DNAH11: variants seen among roughly 807,000 people sequenced by gnomAD.
DNAH11 encodes dynein axonemal heavy chain 11, also known as axonemal beta dynein heavy chain 11.
Under a neutral mutation model 526.0 loss-of-function variants are expected in DNAH11, and 442 were observed. That is an observed-to-expected ratio of 0.84 (90% CI 0.78 to 0.91). DNAH11 has a LOEUF of 0.91. DNAH11 is among the 40% of genes least tolerant of loss of function. The pLI is 0.00. For missense variants in DNAH11, 6,989 were observed against 5,448.7 expected (o/e 1.28, Z -8.90); for synonymous variants, 2,461 against 1,935.9 (o/e 1.27, Z -7.12).
chr7:21,749,680 A>G lies in DNAH11; in HGVS notation c.8676A>G (p.Val2892=). 1 of 1,613,898 alleles carries G rather than the reference A, an allele frequency of 6.2e-7. No individual in the cohort carries two copies. The stretch of plus-strand genomic sequence containing the variant: ...TGAGTGATGGCCTTTCCTTACAGGT[A>G]GATCTTGCCAATTTGTACATCCGAA... ...TEGYGIQELR[V]DLANLYIRTG... The change falls in exon 53 of 82, where the codon GTA becomes GTG. Residue 2892 remains valine (V), a splice_region_variant and synonymous_variant. Coordinates refer to ENST00000409508, the MANE Select transcript of DNAH11 (RefSeq NM_001277115.2).
rs763155183 is a variant in DNAH11, at chr7:21,801,231, A to G, written c.10121A>G (p.Lys3374Arg). The part of the protein sequence containing the change: ...RCQEEVNQTN[K>R]TIKLANRLVK... ...CAAGAAGAGGTGAACCAAACCAACA[A>G]AACCATCAAATTAGCTAACAGACTT... is the stretch of plus-strand genomic sequence containing the variant. The change falls in exon 62 of 82, where the codon AAA becomes AGA. Residue 3374 changes from lysine (K) to arginine (R), a missense_variant. Coordinates refer to ENST00000409508, the MANE Select transcript of DNAH11 (RefSeq NM_001277115.2). The G allele has an allele frequency of 4.3e-5, 69 of 1,613,794 alleles. No individual in the cohort carries two copies. Among genetic ancestry groups the G allele is most frequent in the Admixed American group, 2.5e-4 (15 of 59,992 alleles).
Position 21,852,629 on chromosome 7 carries a change from A to G in DNAH11, c.11059A>G (p.Lys3687Glu), listed in dbSNP as rs72657402. 3,456 of 1,582,704 alleles carry G rather than the reference A, an allele frequency of 2.2e-3. 71 individuals carry two copies. The African/African-American group carries it at 0.04, about 18-fold the overall frequency. Residue 3687 changes from lysine to glutamate, a missense_variant and splice_region_variant, in exon 67 of 82, where the codon AAG becomes GAG. Transcript: ENST00000409508. ...GACCACCGTGGCAGAGATAGAGCACAAGGTAGGAAGGGCAGAGGGTGCCTG... is the reference window on the plus strand; with the variant it reads ...GACCACCGTGGCAGAGATAGAGCACGAGGTAGGAAGGGCAGAGGGTGCCTG... ...TKTTVAEIEH[K>E]VIEAKENERK...
chr7:21,846,765 G>T (rs182639798), intron 66 of DNAH11, among the ~76,000 whole-genome samples: 102 of 152,132 alleles, frequency 6.7e-4, no homozygotes, highest in Admixed American at 1.8e-3. Flanking sequence ...CTATTTTCTA[G>T]AAAAAATGTA....
chr7:21,834,742 G>T (rs138884630), intron 65 of DNAH11, among the ~76,000 whole-genome samples: 1,560 of 152,212 alleles, frequency 0.01, 14 homozygotes, highest in Non-Finnish European at 0.015. Flanking sequence ...ACTACCTGGA[G>T]GCCGAGGCAG....
chr7:21,551,514 G>C (rs965603201), intron 2 of DNAH11, among the ~76,000 whole-genome samples: 12 of 152,198 alleles, frequency 7.9e-5, no homozygotes, highest in African/African-American at 2.9e-4. Flanking sequence ...TTTAGAATCA[G>C]TATATACAGT....
chr7:21,766,871 AACATCTAAC>A (rs1787206128), intron 55 of DNAH11, among the ~76,000 whole-genome samples: 2 of 152,328 alleles, frequency 1.3e-5, no homozygotes, highest in East Asian at 3.9e-4. Context: ...GCCGTCAAGC[AACATCTAAC>A]TTGGAAGATA....
At chr7:21,666,913 C>T (rs1312071241) in intron 30 of DNAH11, among the ~76,000 whole-genome samples, 1 of 151,664 alleles carries the variant, frequency 6.6e-6, no homozygotes, top group Non-Finnish European at 1.5e-5. Flanking sequence ...TGAAAAAAAA[C>T]ATAGTGTTCC....
chr7:21,876,395 T>G (rs964774995), intron 74 of DNAH11, among the ~76,000 whole-genome samples: 21 of 152,238 alleles, frequency 1.4e-4, no homozygotes, highest in Admixed American at 1.4e-3. Context: ...GTCATTATGT[T>G]AGAAAACAAA....
chr7:21,851,791 C>T (rs1716073117), intron 66 of DNAH11: 1 of 402,632 alleles, frequency 2.5e-6, no homozygotes, highest in Admixed American at 3.0e-5. Context: ...GACCTCCGTT[C>T]TCTGATGTAT....
chr7:21,895,605 T>C (rs1213320253), intron 79 of DNAH11, among the ~76,000 whole-genome samples: 6 of 152,228 alleles, frequency 3.9e-5, no homozygotes, highest in African/African-American at 1.4e-4. Flanking sequence ...TGTTGATTCC[T>C]GGCTTTTTGG....
chr7:21,796,036 G>A (rs1788701036), intron 61 of DNAH11, among the ~76,000 whole-genome samples: 1 of 152,190 alleles, frequency 6.6e-6, no homozygotes, highest in Non-Finnish European at 1.5e-5. Context: ...GGGGTCTCTT[G>A]TGGTGAAAAG....
chr7:21,579,839 C>T (rs982802845), intron 8 of DNAH11, among the ~76,000 whole-genome samples: 9 of 151,978 alleles, frequency 5.9e-5, no homozygotes, highest in African/African-American at 1.7e-4. Flanking sequence ...GGACTAGAGG[C>T]GAAGAGTAGT....
At position 21,744,590 on chromosome 7, in the gene DNAH11, A is replaced by G; in HGVS notation, c.8307A>G (p.Lys2769=). The stretch of plus-strand genomic sequence containing the variant: ...GAAGAATGCTGGAAACTGCTTATAA[A>G]TATTTTGAAGTAAGCGTATGAATGT... ...FQRRMLETAY[K]YFEGIDSHML... is the part of the protein sequence containing the mutation. Residue 2769 remains lysine, a synonymous_variant, in exon 50 of 82, where the codon AAA becomes AAG. Transcript: ENST00000409508. 6.2e-7 allele frequency: 1 copy of G among 1,613,122 alleles called. No homozygotes were observed. Among genetic ancestry groups the G allele is most frequent in the African/African-American group, 1.3e-5 (1 of 74,946 alleles).
At chr7:21,789,781 C>CTTTCTTTCTTTCTTTCT (rs1788360916) in intron 61 of DNAH11, among the ~76,000 whole-genome samples, 1 of 77,142 alleles carries the variant, frequency 1.3e-5, no homozygotes, top group Non-Finnish European at 2.8e-5. Context: ...TTCTTTCTTT[C>CTTTCTTTCTTTCTTTCT]TTTCTTTCTT....
intron 42 of DNAH11, among the ~76,000 whole-genome samples, chr7:21,712,491 A>T (rs1027181531): frequency 4.6e-5 from 7 of 152,172 alleles, no homozygotes; most frequent in African/African-American, 1.4e-4. Flanking sequence ...TATTCCCACC[A>T]ACAGTGTACA....
intron 18 of DNAH11, among the ~76,000 whole-genome samples, chr7:21,604,838 A>G (rs1785221693): frequency 6.6e-6 from 1 of 152,136 alleles, no homozygotes; most frequent in African/African-American, 2.4e-5. Context: ...CTTAGGTTCC[A>G]TGGAATGGAA....
intron 67 of DNAH11, among the ~76,000 whole-genome samples, chr7:21,853,702 G>A (rs1782726043): frequency 6.6e-6 from 1 of 152,284 alleles, no homozygotes; most frequent in Admixed American, 6.5e-5. Context: ...CTGATATGTT[G>A]GTTGATGGTG....
chr7:21,866,988 G>T (rs1166075557), intron 71 of DNAH11, among the ~76,000 whole-genome samples: 1 of 152,188 alleles, frequency 6.6e-6, no homozygotes, highest in Non-Finnish European at 1.5e-5. Context: ...CATTATCCAA[G>T]TGTAATTTCC....
chr7:21,652,547 T>G (rs1175452433), intron 28 of DNAH11, among the ~76,000 whole-genome samples: 1 of 135,346 alleles, frequency 7.4e-6, no homozygotes, highest in Non-Finnish European at 1.7e-5. Flanking sequence ...TTTATGGATT[T>G]TTTTGATCTC....
Sources: gnomAD v4.1 joint callset for allele counts (sites outside exome capture counted in the v4.1 genomes callset) on GRCh38, gnomAD v4.1.1 for gene constraint, MANE v1.5 for transcripts, NCBI Gene and HGNC (gene_info 2026-07-23, HGNC 2026-07-21) for gene names.